MAML3: variants seen among roughly 807,000 people sequenced by gnomAD.
MAML3 encodes the protein mastermind-like protein 3.
Under a neutral mutation model 101.9 loss-of-function variants are expected in MAML3, and 27 were observed. That is an observed-to-expected ratio of 0.27 (90% CI 0.20 to 0.37). The LOEUF is 0.37. Ranked by LOEUF, MAML3 falls within the 10% of genes least tolerant of loss-of-function variation. The pLI is 1.00. For missense variants in MAML3, 1,316 were observed against 1,444.9 expected, an observed-to-expected ratio of 0.91 and a Z score of 1.45; for synonymous variants, 501 against 555.9, an observed-to-expected ratio of 0.90 and a Z score of 1.39.
chr4:139,945,376 A>G (rs1397078881), intron 1 of MAML3, among the ~76,000 whole-genome samples: 1 of 152,248 alleles, frequency 6.6e-6, no homozygotes, highest in East Asian at 1.9e-4. Flanking sequence ...ACTTTAAGAA[A>G]CATTTTTTAT....
At chr4:140,065,843 T>C (rs1173922830) in intron 1 of MAML3, among the ~76,000 whole-genome samples, 1 of 152,078 alleles carries the variant, frequency 6.6e-6, no homozygotes, top group African/African-American at 2.4e-5. Flanking sequence ...TCCCAGCACC[T>C]CCATCAAACA....
At chr4:139,961,234 T>C (rs1373083248) in intron 1 of MAML3, among the ~76,000 whole-genome samples, 1 of 152,254 alleles carries the variant, frequency 6.6e-6, no homozygotes, top group African/African-American at 2.4e-5. Context: ...CACCTGCAGT[T>C]ATCTTCTTTT....
At chr4:139,870,203 CAG>C (rs1219391408) in intron 2 of MAML3, among the ~76,000 whole-genome samples, 6 of 152,170 alleles carry the variant, frequency 3.9e-5, no homozygotes, top group Non-Finnish European at 7.3e-5. Flanking sequence ...CTTTGTTGTG[CAG>C]AGACTGTCCT....
intron 1 of MAML3, among the ~76,000 whole-genome samples, chr4:139,958,078 T>C (rs916394313): frequency 6.6e-6 from 1 of 152,212 alleles, no homozygotes; most frequent in African/African-American, 2.4e-5. Flanking sequence ...TACCCATCCT[T>C]GATAACAAAA....
At chr4:140,112,545 C>T (rs2111013059) in intron 1 of MAML3, among the ~76,000 whole-genome samples, 1 of 152,340 alleles carries the variant, frequency 6.6e-6, no homozygotes, top group South Asian at 2.1e-4. Flanking sequence ...CTTCTGGCCA[C>T]ACACAGCTGG....
At chr4:139,896,977 A>G (rs1012687589) in intron 1 of MAML3, among the ~76,000 whole-genome samples, 1 of 152,160 alleles carries the variant, frequency 6.6e-6, no homozygotes, top group African/African-American at 2.4e-5. Flanking sequence ...ATCCTAGCAG[A>G]TTCTTGAGGT....
chr4:139,798,061 A>AAAGAAAGAAAGAAAGAAAGAAAGG (rs1730545047), intron 2 of MAML3, among the ~76,000 whole-genome samples: 1 of 149,832 alleles, frequency 6.7e-6, no homozygotes, highest in African/African-American at 2.5e-5. Flanking sequence ...AGAAAGAAAG[A>AAAGAAAGAAAGAAAGAAAGAAAGG]AAGAAAGAAA....
At chr4:139,832,714 A>C (rs1416471633) in intron 2 of MAML3, among the ~76,000 whole-genome samples, 1 of 152,238 alleles carries the variant, frequency 6.6e-6, no homozygotes, top group African/African-American at 2.4e-5. Flanking sequence ...ACTTAAAAAA[A>C]ATTTTTTTAA....
chr4:139,812,024 A>T (rs1199451875), intron 2 of MAML3, among the ~76,000 whole-genome samples: 3 of 152,120 alleles, frequency 2.0e-5, no homozygotes, highest in Non-Finnish European at 4.4e-5. Context: ...ACATTTTGGG[A>T]AGCTGAGGAG....
At chr4:139,809,748 C>A (rs546437443) in intron 2 of MAML3, among the ~76,000 whole-genome samples, 1 of 152,238 alleles carries the variant, frequency 6.6e-6, no homozygotes, top group African/African-American at 2.4e-5. Flanking sequence ...CTGGCCATAA[C>A]CCACCCCACA....
intron 2 of MAML3, among the ~76,000 whole-genome samples, chr4:139,885,420 A>G (rs1732308162): frequency 6.6e-6 from 1 of 152,088 alleles, no homozygotes; most frequent in Non-Finnish European, 1.5e-5. Flanking sequence ...AAAGAAAGAA[A>G]GAAAGAATAA....
intron 2 of MAML3, among the ~76,000 whole-genome samples, chr4:139,743,828 T>C (rs2111028225): frequency 6.6e-6 from 1 of 152,348 alleles, no homozygotes; most frequent in African/African-American, 2.4e-5. Context: ...ATTTCTTTTT[T>C]CTTTGATGTA....
intron 2 of MAML3, among the ~76,000 whole-genome samples, chr4:139,771,363 AT>A (rs1189151406): frequency 6.6e-6 from 1 of 152,184 alleles, no homozygotes; most frequent in African/African-American, 2.4e-5. Flanking sequence ...ATTCCTAACT[AT>A]TCCAGTGACC....
intron 2 of MAML3, among the ~76,000 whole-genome samples, chr4:139,761,710 C>A (rs1176448788): frequency 6.6e-6 from 1 of 151,962 alleles, no homozygotes; most frequent in African/African-American, 2.4e-5. Flanking sequence ...GAGAAACAGG[C>A]CCCTCAACAG....
At position 140,080,341 on chromosome 4, in the gene MAML3, G is replaced by C. The variant is rs186986598; in HGVS notation, c.468+72519C>G. Among the ~76,000 whole-genome samples the C allele has an allele frequency of 4.2e-3, 647 of 152,316 alleles. 6 individuals carry two copies. Among genetic ancestry groups the C allele is most frequent in the African/African-American group, 0.015 (627 of 41,570 alleles). The stretch of plus-strand genomic sequence containing the variant: ...GAGCTCTACTCATGGGTCTGAATGT[G>C]CCCAAAGATGGTGTTACTCAAAGCA... On this transcript the variant is annotated intron_variant, in intron 1 of 4. Transcript: ENST00000509479.
chr4:140,110,988 A>G (rs1728430633), intron 1 of MAML3, among the ~76,000 whole-genome samples: 2 of 152,238 alleles, frequency 1.3e-5, no homozygotes. Flanking sequence ...TTCTTAGATT[A>G]GTATTTGTGC....
chr4:139,979,947 T>C (rs1022585066), intron 1 of MAML3, among the ~76,000 whole-genome samples: 5 of 152,190 alleles, frequency 3.3e-5, no homozygotes, highest in Non-Finnish European at 7.3e-5. Flanking sequence ...GAATATCCCA[T>C]TGTCCCACCC....
intron 2 of MAML3, among the ~76,000 whole-genome samples, chr4:139,847,396 G>C (rs893250942): frequency 6.6e-6 from 1 of 152,152 alleles, no homozygotes; most frequent in Admixed American, 6.5e-5. Flanking sequence ...GAGTCACACG[G>C]AATCCCGCAG....
At chr4:139,863,122 C>G (rs1245153605) in intron 2 of MAML3, among the ~76,000 whole-genome samples, 1 of 140,118 alleles carries the variant, frequency 7.1e-6, no homozygotes, top group East Asian at 2.3e-4. Flanking sequence ...TGCACTCCAG[C>G]CTGGGTGACA....
Sources: allele counts gnomAD v4.1 joint callset (sites outside exome capture counted in the v4.1 genomes callset), GRCh38; gene constraint gnomAD v4.1.1; transcripts MANE v1.5; gene names NCBI Gene and HGNC (gene_info 2026-07-23, HGNC 2026-07-21).